The following TNKS2 variants were observed in gnomAD, a reference collection of about 807,000 sequenced individuals.
TNKS2 encodes tankyrase 2, also known as poly [ADP-ribose] polymerase tankyrase-2.
Under a neutral mutation model 137.6 loss-of-function variants are expected in TNKS2, and 72 were observed. The observed-to-expected ratio is 0.52, with a 90% CI of 0.43 to 0.64. TNKS2 has a LOEUF of 0.64. Ranked by LOEUF, TNKS2 falls within the 30% of genes least tolerant of loss-of-function variation. TNKS2 has a pLI of 0.00. For missense variants in TNKS2, 1,049 were observed against 1,410.2 expected (o/e 0.74, Z 4.10); for synonymous variants, 516 against 512.1 (o/e 1.01, Z -0.10).
intron 1 of TNKS2, chr10:91,807,368 C>T (rs1844357153): frequency 1.2e-6 from 2 of 1,614,022 alleles, no homozygotes; most frequent in Non-Finnish European, 1.7e-6. Flanking sequence ...CCACACGTGC[C>T]TTCATAGGGT....
intron 18 of TNKS2, among the ~76,000 whole-genome samples, chr10:91,847,420 A>G (rs1269831133): frequency 6.6e-6 from 1 of 152,094 alleles, no homozygotes; most frequent in African/African-American, 2.4e-5. Context: ...ACTGTAGTGC[A>G]GTGGCACAAT....
intron 21 of TNKS2, among the ~76,000 whole-genome samples, chr10:91,854,217 AGAAAG>A (rs1307312987): frequency 6.6e-6 from 1 of 152,226 alleles, no homozygotes; most frequent in African/African-American, 2.4e-5. Context: ...TTTACAAAGA[AGAAAG>A]AGATTAAATG....
In TNKS2 at chr10:91,845,832, CG is replaced by C. The variant is rs1564624795; in HGVS notation, c.2251del (p.Glu751LysfsTer15). ...ACAAATGGGCTTTCACACCTTTGCA[CG>C]AAGCAGCCCAAAAGGGACGAACACA... ...TDKWAFTPLH[E>X]AAQKGRTQLC... is the part of the protein sequence containing the mutation. On this transcript the variant is annotated frameshift_variant, in exon 18 of 27. Transcript: ENST00000371627. LOFTEE classifies it high-confidence loss of function. 1 of 1,609,508 alleles carries C rather than the reference CG, an allele frequency of 6.2e-7. No homozygotes were observed.
At chr10:91,838,961 G>A (rs1035589562) in intron 13 of TNKS2, among the ~76,000 whole-genome samples, 5 of 152,076 alleles carry the variant, frequency 3.3e-5, no homozygotes, top group Admixed American at 6.5e-5. Context: ...TCCACCTCCC[G>A]GGTTCAAGCA....
intron 3 of TNKS2, 68 bp downstream of exon 3, chr10:91,817,297 C>A: frequency 1.9e-6 from 2 of 1,073,700 alleles, no homozygotes; most frequent in South Asian, 1.5e-5. Context: ...AGGAAATTTG[C>A]CTCCTATGAT....
At chr10:91,809,390 G>A (rs1844426947) in intron 1 of TNKS2, among the ~76,000 whole-genome samples, 1 of 151,922 alleles carries the variant, frequency 6.6e-6, no homozygotes, top group South Asian at 2.1e-4. Flanking sequence ...ATCTGGGCTG[G>A]GCGCGGTGGC....
At chr10:91,857,360 G>T in intron 23 of TNKS2, 65 bp from the exon 24 acceptor site, 3 of 1,102,800 alleles carry the variant, frequency 2.7e-6, no homozygotes, top group Non-Finnish European at 4.0e-6. Flanking sequence ...TCCCATGTTT[G>T]GTTTAGATGA....
intron 2 of TNKS2, 65 bp downstream of exon 2, chr10:91,813,272 A>AT: frequency 1.7e-5 from 21 of 1,235,878 alleles, no homozygotes; most frequent in Non-Finnish European, 2.3e-5. Flanking sequence ...AACTGAATTA[A>AT]TCTGTTCATA....
At chr10:91,853,670 T>C (rs779671168) in intron 21 of TNKS2, among the ~76,000 whole-genome samples, 2 of 152,230 alleles carry the variant, frequency 1.3e-5, no homozygotes, top group Non-Finnish European at 2.9e-5. Flanking sequence ...GATGCCTCAG[T>C]CAAGCATTTG....
rs1204621632 is a variant in TNKS2 at position 91,841,433 on chromosome 10, C to T, written c.1824C>T (p.Cys608=). The change falls in exon 15 of 27, where the codon TGC becomes TGT. Residue 608 remains cysteine, a synonymous_variant. Coordinates refer to ENST00000371627, the MANE Select transcript of TNKS2 (RefSeq NM_025235.4). The part of the protein sequence containing the change: ...EAAAKGKYEI[C]KLLLQHGADP... ...CAGCAAAAGGAAAATATGAAATTTG[C>T]AAACTTCTGCTCCAGGTATATTTAA... The T allele has an allele frequency of 1.2e-6, 2 of 1,605,956 alleles. No homozygotes were observed. The highest frequency in any genetic ancestry group is 2.2e-5 in the South Asian group (2 of 89,618).
intron 1 of TNKS2, among the ~76,000 whole-genome samples, chr10:91,803,220 A>G (rs543952322): frequency 3.9e-5 from 6 of 152,330 alleles, no homozygotes; most frequent in Admixed American, 2.0e-4. Flanking sequence ...ACTAAAGTTA[A>G]TAGTAAATGA....
At chr10:91,828,528 T>C in intron 9 of TNKS2, 122 bp downstream of exon 9, 1 of 1,054,126 alleles carries the variant, frequency 9.5e-7, no homozygotes, top group Non-Finnish European at 1.3e-6. Flanking sequence ...TTACTGCCTA[T>C]GCAAATATTT....
rs367881009 is a variant in TNKS2 at position 91,859,694 on chromosome 10, G to A, written c.3281+46G>A. The A allele has an allele frequency of 3.5e-5, 53 of 1,524,486 alleles. No homozygotes were observed. In the African/African-American group the frequency reaches 6.8e-4, roughly 19 times the overall value. 94.4% of individuals were successfully genotyped at this position (1,524,486 alleles called of 1,614,324 possible). A position where few individuals can be genotyped will look rare whatever the true frequency, so the allele number is the denominator to read the frequency against. ...ATTTATTTTGGTGGTAATCAGATAA[G>A]AACTAGTTGCATTTTTGAGGGCAAA... On this transcript the variant is annotated intron_variant, in intron 25 of 26. Coordinates refer to ENST00000371627, the MANE Select transcript of TNKS2 (RefSeq NM_025235.4).
intron 19 of TNKS2, among the ~76,000 whole-genome samples, 163 bp from the exon 20 acceptor site, chr10:91,849,349 T>C (rs1842474273): frequency 6.6e-6 from 1 of 152,212 alleles, no homozygotes; most frequent in South Asian, 2.1e-4. Context: ...TTTTTTCTAA[T>C]GTTGAAATTT....
At chr10:91,806,042 C>CTT (rs34004456) in intron 1 of TNKS2, among the ~76,000 whole-genome samples, 15 of 130,076 alleles carry the variant, frequency 1.2e-4, no homozygotes, top group Non-Finnish European at 2.3e-4. Context: ...CATTCTTTCT[C>CTT]TTTTTTTTTT....
chr10:91,852,669 A>T (rs1038211828), intron 21 of TNKS2, among the ~76,000 whole-genome samples: 1 of 152,244 alleles, frequency 6.6e-6, no homozygotes, highest in Non-Finnish European at 1.5e-5. Flanking sequence ...CCAATAATTG[A>T]ACGTCCTGGC....
In TNKS2 at chr10:91,863,193, TGTTTTTTCA is replaced by T. The variant is rs74594203; in HGVS notation, c.*196_*204del. ...TGTACAGTGTTTTCTAAATATTTCC[TGTTTTTTCA>T]GCACTTTAACAGATGCCATTCCAGG... On this transcript the variant is annotated 3_prime_UTR_variant, in exon 27 of 27. Transcript: ENST00000371627. 27,501 of 465,172 alleles carry T rather than the reference TGTTTTTTCA, an allele frequency of 0.059. 964 individuals are homozygous for T. The highest frequency in any genetic ancestry group is 0.068 in the Non-Finnish European group (17,928 of 261,920). The allele number at this position is 465,172 out of a possible 1,614,324, so 28.8% of individuals were successfully genotyped here.
chr10:91,828,636 A>T (rs1191332944), intron 9 of TNKS2, among the ~76,000 whole-genome samples: 1 of 152,210 alleles, frequency 6.6e-6, no homozygotes, highest in African/African-American at 2.4e-5. Flanking sequence ...AAAATTATTC[A>T]TATTCTGACA....
chr10:91,815,723 AT>A (rs996459205), intron 2 of TNKS2, among the ~76,000 whole-genome samples: 1 of 152,116 alleles, frequency 6.6e-6, no homozygotes, highest in Non-Finnish European at 1.5e-5. Context: ...TTACTAGAAA[AT>A]GTTAAATTAT....
Sources: allele counts gnomAD v4.1 joint callset (sites outside exome capture counted in the v4.1 genomes callset), GRCh38; gene constraint gnomAD v4.1.1; transcripts MANE v1.5; gene names NCBI Gene and HGNC (gene_info 2026-07-23, HGNC 2026-07-21).